Variants in ELF1 observed in about 807,000 individuals in gnomAD.
ELF1 encodes E74 like ETS transcription factor 1, also known as ETS-related transcription factor Elf-1.
ELF1 carries 24 observed loss-of-function variants against 59.9 expected under a neutral mutation model. That is an observed-to-expected ratio of 0.40 (90% CI 0.29 to 0.56). The LOEUF is 0.56. ELF1 is among the 20% of genes least tolerant of loss of function. The probability of loss-of-function intolerance (pLI) is 0.44; values close to 1 mark genes in which losing one functional copy is unlikely to be tolerated. For missense variants in ELF1, 627 were observed against 742.2 expected (o/e 0.84, Z 1.80); for synonymous variants, 248 against 266.2 (o/e 0.93, Z 0.67).
chr13:41,027,598 A>T (rs1027962383), intron 1 of ELF1, among the ~76,000 whole-genome samples: 2 of 152,216 alleles, frequency 1.3e-5, no homozygotes, highest in African/African-American at 4.8e-5. Context: ...CCATCACAGA[A>T]GGGGCAGCAG....
At chr13:40,941,569 TA>T (rs2138128737) in intron 7 of ELF1, among the ~76,000 whole-genome samples, 199 bp from the exon 8 acceptor site, 1 of 152,344 alleles carries the variant, frequency 6.6e-6, no homozygotes, top group African/African-American at 2.4e-5. Flanking sequence ...TATTACCAAC[TA>T]AATCTAAAAC....
intron 1 of ELF1, chr13:40,993,339 T>C: frequency 7.4e-7 from 1 of 1,354,564 alleles, no homozygotes; most frequent in South Asian, 1.2e-5. Context: ...ACATTTCAGC[T>C]ACAAGACCCA....
chr13:41,060,533 G>A (rs1203865862), intron 1 of ELF1, among the ~76,000 whole-genome samples: 2 of 152,154 alleles, frequency 1.3e-5, no homozygotes, highest in Admixed American at 1.3e-4. Context: ...GAGAAGGATC[G>A]GAAGCGCATT....
intron 1 of ELF1, among the ~76,000 whole-genome samples, chr13:41,042,167 T>G (rs1876637821): frequency 6.6e-6 from 1 of 152,054 alleles, no homozygotes; most frequent in African/African-American, 2.4e-5. Context: ...GGATTACAGC[T>G]GCATGCCACC....
intron 1 of ELF1, among the ~76,000 whole-genome samples, chr13:41,011,740 GATC>G (rs1224410540): frequency 6.6e-6 from 1 of 152,028 alleles, no homozygotes; most frequent in Non-Finnish European, 1.5e-5. Context: ...CACCGTGCCT[GATC>G]CCATTTTTAA....
intron 1 of ELF1, among the ~76,000 whole-genome samples, chr13:41,038,228 G>A (rs1183024925): frequency 1.3e-5 from 2 of 152,200 alleles, no homozygotes; most frequent in Non-Finnish European, 2.9e-5. Context: ...GGTGGCTCAT[G>A]TCTGTAATCC....
At chr13:41,051,277 G>T (rs1877077943) in intron 1 of ELF1, among the ~76,000 whole-genome samples, 1 of 151,790 alleles carries the variant, frequency 6.6e-6, no homozygotes, top group Non-Finnish European at 1.5e-5. Context: ...GATGCCACCT[G>T]CCTGCTTGGA....
At chr13:41,053,705 G>GT (rs1467644610) in intron 1 of ELF1, among the ~76,000 whole-genome samples, 1 of 152,164 alleles carries the variant, frequency 6.6e-6, no homozygotes, top group Non-Finnish European at 1.5e-5. Context: ...TTATTTGGTC[G>GT]TGAGTCCAAA....
chr13:41,007,113 A>C (rs537645140), intron 1 of ELF1, among the ~76,000 whole-genome samples: 1 of 152,132 alleles, frequency 6.6e-6, no homozygotes, highest in Non-Finnish European at 1.5e-5. Context: ...TCTCGGATGC[A>C]CAAAGCATCC....
chr13:40,949,552 G>A (rs1409707751), intron 5 of ELF1, among the ~76,000 whole-genome samples: 1 of 150,032 alleles, frequency 6.7e-6, no homozygotes, highest in Non-Finnish European at 1.5e-5. Context: ...ATGAGGTCTT[G>A]CTTTGTTGCC....
intron 1 of ELF1, among the ~76,000 whole-genome samples, chr13:40,994,305 C>A (rs1874024238): frequency 6.6e-6 from 1 of 152,086 alleles, no homozygotes. Context: ...AAGTTTAACT[C>A]TTTTTTTGAG....
At chr13:40,956,980 C>T (rs1313646779) in intron 3 of ELF1, among the ~76,000 whole-genome samples, 3 of 148,964 alleles carry the variant, frequency 2.0e-5, no homozygotes, top group Non-Finnish European at 4.5e-5. Context: ...GCATGGGCCA[C>T]TGTGCCCAGC....
intron 1 of ELF1, among the ~76,000 whole-genome samples, chr13:40,990,047 C>G (rs1031631910): frequency 2.0e-5 from 3 of 152,074 alleles, no homozygotes; most frequent in African/African-American, 7.2e-5. Context: ...GTATGATGAA[C>G]ATGGTAGTAA....
intron 1 of ELF1, among the ~76,000 whole-genome samples, chr13:41,016,218 T>C (rs984095336): frequency 1.3e-5 from 2 of 152,198 alleles, no homozygotes; most frequent in African/African-American, 2.4e-5. Flanking sequence ...TTTGTGCTTT[T>C]TGTTTTTTAG....
chr13:41,055,719 CT>C (rs1000958136), intron 1 of ELF1, among the ~76,000 whole-genome samples: 1 of 152,022 alleles, frequency 6.6e-6, no homozygotes, highest in Middle Eastern at 3.2e-3. Flanking sequence ...GGGTCTCACC[CT>C]GTTGCCCAGG....
chr13:41,001,651 T>C (rs530175766), intron 1 of ELF1, among the ~76,000 whole-genome samples: 12 of 152,304 alleles, frequency 7.9e-5, no homozygotes, highest in African/African-American at 2.4e-4. Flanking sequence ...TGTGCCCTCA[T>C]AGGGCTTAGA....
chr13:40,997,764 T>C (rs1004958942), intron 1 of ELF1, among the ~76,000 whole-genome samples: 2 of 152,220 alleles, frequency 1.3e-5, no homozygotes, highest in Non-Finnish European at 2.9e-5. Flanking sequence ...TTCTGATGTT[T>C]CATGTCAGGA....
chr13:40,978,495 A>G (rs887499224), intron 2 of ELF1, among the ~76,000 whole-genome samples: 1 of 152,084 alleles, frequency 6.6e-6, no homozygotes, highest in African/African-American at 2.4e-5. Flanking sequence ...CCCCAAAACT[A>G]ATATTATTAA....
In ELF1 at chr13:40,986,718, T is replaced by C. The variant is rs140693408; in HGVS notation, c.-228-4436A>G. Among the ~76,000 whole-genome samples the C allele has an allele frequency of 2.8e-3, 422 of 152,250 alleles. 7 individuals carry two copies. In the East Asian group the frequency reaches 0.052, roughly 19 times the overall value. On this transcript the variant is annotated intron_variant, in intron 1 of 8. Coordinates refer to ENST00000239882, the MANE Select transcript of ELF1 (RefSeq NM_172373.4). ...ATTCCAAACAAAATGACTTCACTGATGGTAAACACAAAACCCTCAGCCACA... is the reference window on the plus strand; with the variant it reads ...ATTCCAAACAAAATGACTTCACTGACGGTAAACACAAAACCCTCAGCCACA...
Sources: allele counts gnomAD v4.1 joint callset (sites outside exome capture counted in the v4.1 genomes callset), GRCh38; gene constraint gnomAD v4.1.1; transcripts MANE v1.5; gene names NCBI Gene and HGNC (gene_info 2026-07-23, HGNC 2026-07-21).